Variants in H2AC25 observed in about 807,000 individuals in gnomAD.
The protein encoded by H2AC25 is histone H2A type 3.
At chr1:228,457,724 G>A in the H2AC25 span, 17 of 1,612,812 alleles carry the variant, frequency 1.1e-5, no homozygotes, top group Non-Finnish European at 1.4e-5. Context: ...AGCAACCGGT[G>A]CACGCGGCCC....
the H2AC25 span, chr1:228,457,390 G>A: frequency 1.6e-5 from 25 of 1,611,922 alleles, no homozygotes; most frequent in South Asian, 6.6e-5. Flanking sequence ...GAGCCTTTAT[G>A]TCCATCAAAG....
the H2AC25 span, chr1:228,457,754 C>T: frequency 6.2e-7 from 1 of 1,611,306 alleles, no homozygotes; most frequent in Non-Finnish European, 8.5e-7. Flanking sequence ...TGCAGCCCCG[C>T]GCGCGACGAG....
chr1:228,457,664 G>A, the H2AC25 span: 2 of 1,613,698 alleles, frequency 1.2e-6, no homozygotes, highest in East Asian at 2.2e-5. Context: ...ACCGCGGCCA[G>A]ATAGACCGGG....
the H2AC25 span, chr1:228,457,686 C>A: frequency 1.2e-6 from 2 of 1,613,582 alleles, no homozygotes; most frequent in South Asian, 2.2e-5. Context: ...CGCCGGCGCC[C>A]ACGCGCTCCG....
chr1:228,457,681 G>A, the H2AC25 span: 5 of 1,613,580 alleles, frequency 3.1e-6, no homozygotes, highest in South Asian at 2.2e-5. Flanking sequence ...CGGGGCGCCG[G>A]CGCCCACGCG....
At chr1:228,457,629 GATCTCGGCAGTCAAGT>G in the H2AC25 span, 1 of 1,613,928 alleles carries the variant, frequency 6.2e-7, no homozygotes, top group Non-Finnish European at 8.5e-7. Context: ...CAAGCTCCAG[GATCTCGGCAGTCAAGT>G]ACTCGAGCAC....
chr1:228,457,863 A>G, the H2AC25 span: 6 of 1,567,468 alleles, frequency 3.8e-6, no homozygotes, highest in Admixed American at 3.8e-5. Context: ...AAGCGAGACT[A>G]AAAACAAGAG....
chr1:228,457,646 A>C, the H2AC25 span: 2 of 1,613,594 alleles, frequency 1.2e-6, no homozygotes, highest in Admixed American at 3.3e-5. Context: ...GCAGTCAAGT[A>C]CTCGAGCACC....
At chr1:228,457,449 G>C in the H2AC25 span, 1 of 1,613,966 alleles carries the variant, frequency 6.2e-7, no homozygotes, top group African/African-American at 1.3e-5. Flanking sequence ...CCTTGTGGTG[G>C]CTCTCCGTCT....
chr1:228,457,795 C>A, the H2AC25 span: 1 of 1,605,240 alleles, frequency 6.2e-7, no homozygotes, highest in Non-Finnish European at 8.5e-7. Flanking sequence ...CGCCTTGCCA[C>A]CCTGCTTACC....
the H2AC25 span, chr1:228,457,824 G>A: frequency 6.9e-3 from 10,866 of 1,585,080 alleles, 633 homozygotes; most frequent in African/African-American, 0.13. Flanking sequence ...ACATTTCCGA[G>A]TCAAGGAAAA....
At chr1:228,457,498 C>T in the H2AC25 span, 2 of 1,614,136 alleles carry the variant, frequency 1.2e-6, no homozygotes, top group Non-Finnish European at 1.7e-6. Context: ...GGGCAGGACG[C>T]CACCCTGCGC....
chr1:228,457,656 C>A, the H2AC25 span: 1 of 1,613,710 alleles, frequency 6.2e-7, no homozygotes, highest in African/African-American at 1.3e-5. Context: ...ACTCGAGCAC[C>A]GCGGCCAGAT....
chr1:228,457,797 C>G, the H2AC25 span: 8 of 1,603,538 alleles, frequency 5.0e-6, no homozygotes, highest in African/African-American at 1.3e-5. Context: ...CCTTGCCACC[C>G]TGCTTACCAC....
chr1:228,457,421 G>A, the H2AC25 span: 8 of 1,613,668 alleles, frequency 5.0e-6, no homozygotes, highest in Non-Finnish European at 6.8e-6. Context: ...GGCGGCGGGC[G>A]GCCTCACTTG....
chr1:228,457,812 G>C, the H2AC25 span: 3 of 1,593,310 alleles, frequency 1.9e-6, no homozygotes, highest in Middle Eastern at 1.7e-4. Context: ...TACCACGACC[G>C]GACATTTCCG....
chr1:228,457,492 A>C, the H2AC25 span: 1 of 1,614,138 alleles, frequency 6.2e-7, no homozygotes, highest in Non-Finnish European at 8.5e-7. Flanking sequence ...GATGTTGGGC[A>C]GGACGCCACC....
At chr1:228,457,778 T>C in the H2AC25 span, 13 of 1,609,196 alleles carry the variant, frequency 8.1e-6, no homozygotes, top group South Asian at 1.1e-5. Context: ...GACTTAGCCT[T>C]GGCGCGCGCC....
At chr1:228,457,603 C>T in the H2AC25 span, 1 of 1,613,900 alleles carries the variant, frequency 6.2e-7, no homozygotes, top group African/African-American at 1.3e-5. Flanking sequence ...CTTGTTGTCG[C>T]GCGCCGCGTT....
Sources: gnomAD v4.1 joint callset for allele counts on GRCh38, gnomAD v4.1.1 for gene constraint, MANE v1.5 for transcripts, NCBI Gene and HGNC (gene_info 2026-07-23, HGNC 2026-07-21) for gene names.